The following BICC1 variants were observed in gnomAD, a reference collection of about 807,000 sequenced individuals.
BICC1 encodes BicC family RNA binding protein 1.
A neutral mutation model predicts 111.0 loss-of-function variants in BICC1; 43 were observed. The observed-to-expected ratio is 0.39, with a 90% confidence interval of 0.30 to 0.50. The LOEUF is 0.50. Among genes scored for constraint, BICC1 ranks in the 20% least tolerant of loss-of-function variants. BICC1 has a pLI of 0.88. For missense variants in BICC1, 1,091 were observed against 1,203.2 expected (o/e 0.91, Z 1.38); for synonymous variants, 467 against 434.4 (o/e 1.07, Z -0.93).
At chr10:58,608,090 G>C (rs1390092850) in intron 1 of BICC1, among the ~76,000 whole-genome samples, 2 of 152,112 alleles carry the variant, frequency 1.3e-5, no homozygotes, top group Admixed American at 1.3e-4. Flanking sequence ...GGTATCACTG[G>C]TATTATACTC....
intron 2 of BICC1, among the ~76,000 whole-genome samples, chr10:58,657,031 C>G (rs542872104): frequency 6.6e-6 from 1 of 152,206 alleles, no homozygotes; most frequent in African/African-American, 2.4e-5. Flanking sequence ...CGCTAGCCTC[C>G]CTCCAGCCCC....
At chr10:58,778,766 C>G (rs187441917) in intron 3 of BICC1, among the ~76,000 whole-genome samples, 1 of 152,172 alleles carries the variant, frequency 6.6e-6, no homozygotes, top group Admixed American at 6.5e-5. Flanking sequence ...GTTATATCAC[C>G]TGACATGTTA....
chr10:58,707,996 C>CAATATTTAATTGATAGAAT (rs1840443389), intron 3 of BICC1, among the ~76,000 whole-genome samples: 1 of 91,040 alleles, frequency 1.1e-5, no homozygotes, highest in Non-Finnish European at 2.2e-5. Flanking sequence ...CGCGCCTAGC[C>CAATATTTAATTGATAGAAT]AGCTAATTTT....
chr10:58,807,349 T>C (rs983678726), intron 17 of BICC1, among the ~76,000 whole-genome samples, 191 bp downstream of exon 17: 6 of 152,226 alleles, frequency 3.9e-5, no homozygotes, highest in Non-Finnish European at 8.8e-5. Flanking sequence ...TTTATCTGTA[T>C]TCTCTCAAAG....
At chr10:58,568,095 C>T (rs966060013) in intron 1 of BICC1, among the ~76,000 whole-genome samples, 2 of 152,222 alleles carry the variant, frequency 1.3e-5, no homozygotes, top group Admixed American at 1.3e-4. Flanking sequence ...GGTAGTTTAC[C>T]TTGATTTCCT....
chr10:58,817,622 A>G lies in BICC1; in HGVS notation c.2594A>G (p.Asn865Ser), dbSNP rs778264935. The G allele has an allele frequency of 2.5e-6, 4 of 1,613,606 alleles. No homozygotes were observed. Among genetic ancestry groups the G allele is most frequent in the Middle Eastern group, 1.7e-4 (1 of 6,052 alleles). The change falls in exon 19 of 21, where the codon AAT becomes AGT. Residue 865 changes from asparagine to serine, a missense_variant. Physicochemically the swap from Asn to Ser is conservative, Grantham distance 46. Around this residue, in one of 3 missense-constraint regions of BICC1, gnomAD observed 231 missense variants for 256.2 expected, o/e 0.90. Transcript: ENST00000373886. ...MDCISSLTGS[N>S]GCNLNSSFKG... ...TGCATTTCCTCGCTGACAGGAAGCAATGGCTGTAACTTAAATAGCTCTTTC... is the reference window on the plus strand; with the variant it reads ...TGCATTTCCTCGCTGACAGGAAGCAGTGGCTGTAACTTAAATAGCTCTTTC...
chr10:58,732,789 C>T (rs1317227731), intron 3 of BICC1, among the ~76,000 whole-genome samples: 1 of 151,976 alleles, frequency 6.6e-6, no homozygotes, highest in East Asian at 1.9e-4. Context: ...CTCACACACA[C>T]ACACAAAATT....
At chr10:58,539,181 G>A (rs1303968) in intron 1 of BICC1, among the ~76,000 whole-genome samples, 69,649 of 151,422 alleles carry the variant, frequency 0.46, 17,054 homozygotes, top group Admixed American at 0.62. Flanking sequence ...TGTGGCATAT[G>A]TATATTGTAG....
intron 3 of BICC1, among the ~76,000 whole-genome samples, chr10:58,729,632 A>G (rs1164992007): frequency 6.6e-6 from 1 of 152,210 alleles, no homozygotes; most frequent in Non-Finnish European, 1.5e-5. Flanking sequence ...TACAGAAGGT[A>G]TGGTGGCATC....
intron 1 of BICC1, among the ~76,000 whole-genome samples, chr10:58,547,152 C>A (rs1343265591): frequency 6.6e-6 from 1 of 152,134 alleles, no homozygotes; most frequent in East Asian, 1.9e-4. Flanking sequence ...TTGTTATGAA[C>A]TACAGTCCAT....
intron 3 of BICC1, among the ~76,000 whole-genome samples, chr10:58,781,756 C>CA (rs1842890535): frequency 6.6e-6 from 1 of 152,012 alleles, no homozygotes; most frequent in Admixed American, 6.6e-5. Flanking sequence ...CATTGAAAAA[C>CA]AGAGACCTGT....
At chr10:58,719,390 ACACATCCATCCCAG>A (rs1477063505) in intron 3 of BICC1, among the ~76,000 whole-genome samples, 4 of 152,060 alleles carry the variant, frequency 2.6e-5, no homozygotes, top group Non-Finnish European at 5.9e-5. Context: ...ACTCATCCTC[ACACATCCATCCCAG>A]GTGGCATGTC....
intron 1 of BICC1, among the ~76,000 whole-genome samples, chr10:58,561,710 G>T (rs866050774): frequency 2.7e-4 from 41 of 152,008 alleles, no homozygotes; most frequent in African/African-American, 9.6e-4. Context: ...TTGTGTATCT[G>T]CTCTGTCAGT....
intron 1 of BICC1, among the ~76,000 whole-genome samples, chr10:58,618,575 A>C (rs529214884): frequency 1.3e-5 from 2 of 152,176 alleles, no homozygotes; most frequent in East Asian, 3.9e-4. Flanking sequence ...TGATTCCTCG[A>C]GTGTTCTTTC....
At chr10:58,559,113 CAGG>C (rs1381103595) in intron 1 of BICC1, among the ~76,000 whole-genome samples, 1 of 149,476 alleles carries the variant, frequency 6.7e-6, no homozygotes, top group African/African-American at 2.4e-5. Flanking sequence ...ACCACCCCCC[CAGG>C]ACTTTTACTT....
chr10:58,640,801 G>A (rs796153421), intron 2 of BICC1, among the ~76,000 whole-genome samples: 62 of 152,266 alleles, frequency 4.1e-4, no homozygotes, highest in African/African-American at 1.2e-3. Flanking sequence ...ATGTGTCTAC[G>A]AAAGAAACAA....
intron 2 of BICC1, among the ~76,000 whole-genome samples, chr10:58,697,228 T>A (rs1840089413): frequency 6.6e-6 from 1 of 152,204 alleles, no homozygotes; most frequent in South Asian, 2.1e-4. Flanking sequence ...TTCTTGGAAG[T>A]GATTTTCTTG....
At chr10:58,645,038 C>A (rs1318910296) in intron 2 of BICC1, among the ~76,000 whole-genome samples, 7 of 152,056 alleles carry the variant, frequency 4.6e-5, no homozygotes, top group Admixed American at 4.6e-4. Flanking sequence ...GAACTCCCCG[C>A]CCCACCAATA....
chr10:58,657,367 T>C (rs1273607236), intron 2 of BICC1, among the ~76,000 whole-genome samples: 2 of 152,140 alleles, frequency 1.3e-5, no homozygotes, highest in Non-Finnish European at 2.9e-5. Context: ...AAGGTAAGGA[T>C]TGCTGTTTTT....
Sources: allele counts gnomAD v4.1 joint callset (sites outside exome capture counted in the v4.1 genomes callset), GRCh38; gene constraint gnomAD v4.1.1; regional missense constraint gnomAD v4.1.1; transcripts MANE v1.5; gene names NCBI Gene and HGNC (gene_info 2026-07-23, HGNC 2026-07-21).